Variants in DSCAM observed in about 807,000 individuals in gnomAD.
DSCAM encodes cell adhesion molecule DSCAM.
DSCAM carries 47 observed loss-of-function variants against 217.7 expected under a neutral mutation model. The observed-to-expected ratio is 0.22, with a 90% CI of 0.17 to 0.28. DSCAM has a LOEUF of 0.28. Among genes scored for constraint, DSCAM ranks in the 10% least tolerant of loss-of-function variants. The pLI is 1.00. For missense variants in DSCAM, 2,080 were observed against 2,618.3 expected, an observed-to-expected ratio of 0.79 and a Z score of 4.49; for synonymous variants, 1,056 against 1,015.3, an observed-to-expected ratio of 1.04 and a Z score of -0.76.
chr21:40,206,428 A>T (rs4375957), intron 11 of DSCAM, among the ~76,000 whole-genome samples: 1 of 151,968 alleles, frequency 6.6e-6, no homozygotes, highest in South Asian at 2.1e-4. Flanking sequence ...CAGTGGGTCT[A>T]GGGGGGACTC....
rs559031111 is a variant in DSCAM at position 40,451,318 on chromosome 21, T to C, written c.509-82073A>G. Among the ~76,000 whole-genome samples, 8 of 152,376 alleles carry C rather than the reference T, an allele frequency of 5.3e-5. No individual in the cohort carries two copies. The East Asian group carries it at 1.5e-3, about 29-fold the overall frequency. On this transcript the variant is annotated intron_variant, in intron 3 of 32. Coordinates refer to ENST00000400454, the MANE Select transcript of DSCAM (RefSeq NM_001389.5). ...TGGCCCAGCTCCCCATGGCACTTTCTACTGGCTTAGACATCCCTTCTTTTT... is the reference window on the plus strand; with the variant it reads ...TGGCCCAGCTCCCCATGGCACTTTCCACTGGCTTAGACATCCCTTCTTTTT...
chr21:40,747,852 A>T (rs553488077), intron 1 of DSCAM, among the ~76,000 whole-genome samples: 31 of 152,162 alleles, frequency 2.0e-4, no homozygotes, highest in African/African-American at 7.2e-4. Flanking sequence ...ATTCAATAAT[A>T]TATTAAAAAG....
intron 20 of DSCAM, among the ~76,000 whole-genome samples, chr21:40,097,964 AAGAAAG>A (rs1568939071): frequency 0.03 from 2,141 of 71,232 alleles, 340 homozygotes; most frequent in Non-Finnish European, 0.04. Context: ...AAAAGAAAGA[AAGAAAG>A]AAAGAAAGAA....
intron 3 of DSCAM, among the ~76,000 whole-genome samples, chr21:40,477,348 C>T (rs1189622281): frequency 6.6e-6 from 1 of 151,920 alleles, no homozygotes; most frequent in African/African-American, 2.4e-5. Flanking sequence ...CCATGCTTAA[C>T]ACACAAAAAA....
rs146869056 is a variant in DSCAM, at chr21:40,761,661, C to A, written c.44-52890G>T. On this transcript the variant is annotated intron_variant, in intron 1 of 32. Transcript: ENST00000400454. ...TCAGTTTGTGATGCTTTCTTAACAG[C>A]CCTAACAAACTAATACAGAGAGAAA... Among the ~76,000 whole-genome samples the A allele has an allele frequency of 7.4e-3, 1,134 of 152,260 alleles. 15 individuals are homozygous for A. The highest frequency in any genetic ancestry group is 0.026 in the African/African-American group (1,081 of 41,534).
chr21:40,379,823 G>C (rs1225818202), intron 3 of DSCAM, among the ~76,000 whole-genome samples: 1 of 152,182 alleles, frequency 6.6e-6, no homozygotes, highest in Non-Finnish European at 1.5e-5. Context: ...ATCATATTGA[G>C]GGGGCAGAGC....
In DSCAM at chr21:40,050,109, G is replaced by A. The variant is rs999592547; in HGVS notation, c.5185+1849C>T. ...GTGTTTCTCAATGTGGGGTCCAAAC[G>A]GCCAGCATCAGAATCACCCAGGGTG... On this transcript the variant is annotated intron_variant, in intron 30 of 32. Transcript: ENST00000400454. 2.6e-5 allele frequency among the ~76,000 whole-genome samples: 4 copies of A among 152,224 alleles called. No individual in the cohort carries two copies. In the East Asian group the frequency reaches 5.8e-4, roughly 22 times the overall value.
intron 3 of DSCAM, among the ~76,000 whole-genome samples, chr21:40,595,594 A>G (rs1325313236): frequency 6.6e-6 from 1 of 152,184 alleles, no homozygotes; most frequent in Non-Finnish European, 1.5e-5. Context: ...AGGAACGGGA[A>G]CACAACCTTT....
At chr21:40,461,000 C>T (rs1035987547) in intron 3 of DSCAM, among the ~76,000 whole-genome samples, 7 of 152,030 alleles carry the variant, frequency 4.6e-5, no homozygotes, top group Non-Finnish European at 1.0e-4. Context: ...TTGATTTATA[C>T]GACTATCAGT....
At chr21:40,241,175 A>G (rs2073147503) in intron 11 of DSCAM, among the ~76,000 whole-genome samples, 1 of 152,230 alleles carries the variant, frequency 6.6e-6, no homozygotes, top group Admixed American at 6.5e-5. Flanking sequence ...GCACAGCAAA[A>G]GAAACTATCA....
intron 3 of DSCAM, among the ~76,000 whole-genome samples, chr21:40,610,939 A>C (rs2089305297): frequency 6.6e-6 from 1 of 152,184 alleles, no homozygotes; most frequent in Admixed American, 6.5e-5. Flanking sequence ...CCTTCTCTTC[A>C]GAGCAGCTTT....
At chr21:40,579,191 T>C (rs1219090557) in intron 3 of DSCAM, among the ~76,000 whole-genome samples, 2 of 151,996 alleles carry the variant, frequency 1.3e-5, no homozygotes, top group East Asian at 3.9e-4. Context: ...TTTTTTTGGA[T>C]CATCTGAAAG....
chr21:40,080,629 C>A (rs1224108027), intron 24 of DSCAM, among the ~76,000 whole-genome samples: 2 of 152,196 alleles, frequency 1.3e-5, no homozygotes, highest in Non-Finnish European at 2.9e-5. Flanking sequence ...GCAGGGAATA[C>A]TTAAGTTGCC....
At chr21:40,772,207 C>A (rs2091451503) in intron 1 of DSCAM, among the ~76,000 whole-genome samples, 1 of 152,116 alleles carries the variant, frequency 6.6e-6, no homozygotes, top group African/African-American at 2.4e-5. Context: ...TTGCTCTTTT[C>A]CCCCAGGCTG....
At chr21:40,752,164 C>T (rs1012557076) in intron 1 of DSCAM, among the ~76,000 whole-genome samples, 3 of 152,226 alleles carry the variant, frequency 2.0e-5, no homozygotes, top group African/African-American at 7.2e-5. Flanking sequence ...ACATAAGCCA[C>T]ATGGTTTTAT....
chr21:40,829,902 C>A (rs942958112), intron 1 of DSCAM, among the ~76,000 whole-genome samples: 8 of 152,108 alleles, frequency 5.3e-5, no homozygotes, highest in African/African-American at 1.9e-4. Context: ...AACAAACCAA[C>A]CCTGAGACTC....
intron 5 of DSCAM, among the ~76,000 whole-genome samples, chr21:40,348,378 A>G (rs1472848837): frequency 3.5e-5 from 5 of 141,918 alleles, no homozygotes; most frequent in African/African-American, 9.0e-5. Flanking sequence ...GAGAGTTCCT[A>G]TTAGCCACAT....
chr21:40,084,893 A>G (rs2089511046), intron 23 of DSCAM, among the ~76,000 whole-genome samples: 1 of 147,720 alleles, frequency 6.8e-6, no homozygotes, highest in Non-Finnish European at 1.5e-5. Flanking sequence ...CTTTCCTTCC[A>G]TCCCACCGAG....
chr21:40,571,409 G>A (rs548850031), intron 3 of DSCAM, among the ~76,000 whole-genome samples: 26 of 152,252 alleles, frequency 1.7e-4, no homozygotes, highest in South Asian at 2.1e-4. Context: ...AAAATCACAT[G>A]TATCCTGAAG....
Sources: gnomAD v4.1 joint callset for allele counts (sites outside exome capture counted in the v4.1 genomes callset) on GRCh38, gnomAD v4.1.1 for gene constraint, MANE v1.5 for transcripts, NCBI Gene and HGNC (gene_info 2026-07-23, HGNC 2026-07-21) for gene names.